AGPAT3: variants seen among roughly 807,000 people sequenced by gnomAD.
AGPAT3 encodes 1-acylglycerol-3-phosphate O-acyltransferase 3.
Under a neutral mutation model 47.3 loss-of-function variants are expected in AGPAT3, and 5 were observed. That is an observed-to-expected ratio of 0.11 (90% CI 0.06 to 0.22). AGPAT3 has a LOEUF of 0.22. AGPAT3 is among the 10% of genes least tolerant of loss of function. The pLI is 1.00. For missense variants in AGPAT3, 315 were observed against 493.0 expected, an observed-to-expected ratio of 0.64 and a Z score of 3.42; for synonymous variants, 212 against 208.3, an observed-to-expected ratio of 1.02 and a Z score of -0.15.
In AGPAT3 at chr21:43,982,384, A is replaced by G; in HGVS notation, c.1123A>G (p.Lys375Glu). The change falls in exon 10 of 10, where the codon AAG (lysine) becomes GAG (glutamate). Residue 375 changes from lysine (K) to glutamate (E), a missense_variant. By Grantham distance (56) the Lys-to-Glu change is moderately conservative (BLOSUM62 1). Coordinates refer to ENST00000291572, the MANE Select transcript of AGPAT3 (RefSeq NM_020132.5). This position sits in a 1 kb window ranked among gnomAD's most constrained non-coding sequence, Gnocchi z 6.2. ...CTACGGAAACCAAGAGTTTAAGAAAAAGGAATAATTAATGGCTGTGACTGA... is the reference window on the plus strand; with the variant it reads ...CTACGGAAACCAAGAGTTTAAGAAAGAGGAATAATTAATGGCTGTGACTGA... ...SSYGNQEFKK[K>E]E 3.1e-6 allele frequency: 5 copies of G among 1,612,650 alleles called. No homozygotes were observed. Among genetic ancestry groups the G allele is most frequent in the Non-Finnish European group, 4.2e-6 (5 of 1,178,652 alleles).
At chr21:43,978,018 C>A in intron 7 of AGPAT3, 28 bp from the exon 8 acceptor site, 2 of 1,585,238 alleles carry the variant, frequency 1.3e-6, no homozygotes, top group East Asian at 2.2e-5. Flanking sequence ...GGTGATTCAC[C>A]CTACCTTGAA....
In AGPAT3 at chr21:43,869,698, A is replaced by AC. The variant is rs541177519; in HGVS notation, c.-112+4358dup. 8.5e-5 allele frequency among the ~76,000 whole-genome samples: 13 copies of AC among 152,104 alleles called. No homozygotes were observed. In the East Asian group the frequency reaches 2.3e-3, roughly 27 times the overall value. On this transcript the variant is annotated intron_variant, in intron 1 of 9. Coordinates refer to ENST00000291572, the MANE Select transcript of AGPAT3 (RefSeq NM_020132.5). ...GCACAGCCAGCCCAGTGCCAAGTGGACCCCCAGGGTGGCCCTGCGTGAGTA... is the reference window on the plus strand; with the variant it reads ...GCACAGCCAGCCCAGTGCCAAGTGGACCCCCCAGGGTGGCCCTGCGTGAGTA...
chr21:43,982,451 C>T lies in AGPAT3; in HGVS notation c.*59C>T, dbSNP rs1156365150. On this transcript the variant is annotated 3_prime_UTR_variant, in exon 10 of 10. Transcript: ENST00000291572. The surrounding 1 kb of genome is among the most constrained non-coding windows in gnomAD (Gnocchi z 6.2). ...CGGTGGTATCCAGTTAACTCAAAAC[C>T]AACACACAGAGTGCAGGAAAAGACA... The T allele has an allele frequency of 6.4e-6, 8 of 1,254,152 alleles. No individual in the cohort carries two copies. Among genetic ancestry groups the T allele is most frequent in the Non-Finnish European group, 9.3e-6 (8 of 861,220 alleles). The allele number at this position is 1,254,152 out of a possible 1,614,324, so 77.7% of individuals were successfully genotyped here. A position where few individuals can be genotyped will look rare whatever the true frequency, so the allele number is the denominator to read the frequency against.
chr21:43,909,356 C>T (rs956992259), intron 2 of AGPAT3, among the ~76,000 whole-genome samples: 2 of 145,942 alleles, frequency 1.4e-5, no homozygotes, highest in Non-Finnish European at 3.0e-5. Context: ...AGTGTGGTGG[C>T]GTGATCTCGG....
In AGPAT3 at chr21:43,878,507, C is replaced by G. The variant is rs145985641; in HGVS notation, c.-112+13162C>G. Reference sequence around the variant, plus strand: ...TGGACACTGATGCCGCTCCGTTTTCCCAGTTATAAATATGATGGGCATCCT... The same window carrying G: ...TGGACACTGATGCCGCTCCGTTTTCGCAGTTATAAATATGATGGGCATCCT... On this transcript the variant is annotated intron_variant, in intron 1 of 9. Coordinates refer to ENST00000291572, the MANE Select transcript of AGPAT3 (RefSeq NM_020132.5). 6.4e-3 allele frequency among the ~76,000 whole-genome samples: 979 copies of G among 152,298 alleles called. 8 individuals are homozygous for G. The highest frequency in any genetic ancestry group is 0.044 in the Middle Eastern group (13 of 294).
chr21:43,906,600 G>A (rs905027614), intron 2 of AGPAT3, among the ~76,000 whole-genome samples: 3 of 152,142 alleles, frequency 2.0e-5, no homozygotes, highest in African/African-American at 7.2e-5. Context: ...TCCTCATGGT[G>A]GCTGTGACCT....
At position 43,968,073 on chromosome 21, in the gene AGPAT3, C is replaced by T. The variant is rs1335045257; in HGVS notation, c.306C>T (p.Phe102=). Residue 102 remains phenylalanine, a synonymous_variant, in exon 4 of 10, where the codon TTC becomes TTT. Coordinates refer to ENST00000291572, the MANE Select transcript of AGPAT3 (RefSeq NM_020132.5). ...IILNHNFEID[F]LCGWTMCERF... The stretch of plus-strand genomic sequence containing the variant: ...TCAACCACAACTTCGAGATCGACTT[C>T]CTCTGTGGGTGGACCATGTGTGAGC... 1.2e-6 allele frequency: 2 copies of T among 1,613,906 alleles called. No individual in the cohort carries two copies. The highest frequency in any genetic ancestry group is 8.5e-7 in the Non-Finnish European group (1 of 1,180,002).
intron 2 of AGPAT3, among the ~76,000 whole-genome samples, chr21:43,949,538 C>G (rs2088080802): frequency 6.6e-6 from 1 of 152,348 alleles, no homozygotes; most frequent in Admixed American, 6.5e-5. Flanking sequence ...ACCAATCCCA[C>G]CACATTCTAT....
rs143120293 is a variant in AGPAT3 at position 43,887,855 on chromosome 21, T to C, written c.-111-16102T>C. Reference sequence around the variant, plus strand: ...TTTTAGTAGAGACTGGGTTTCGCCATGTTGGCCAGGCTGGTCTCAAACTCC... The same window carrying C: ...TTTTAGTAGAGACTGGGTTTCGCCACGTTGGCCAGGCTGGTCTCAAACTCC... On this transcript the variant is annotated intron_variant, in intron 1 of 9. Coordinates refer to ENST00000291572, the MANE Select transcript of AGPAT3 (RefSeq NM_020132.5). Among the ~76,000 whole-genome samples the C allele has an allele frequency of 5.0e-3, 756 of 152,334 alleles. 7 individuals are homozygous for C. The highest frequency in any genetic ancestry group is 0.017 in the African/African-American group (724 of 41,560).
At chr21:43,964,331 G>A (rs1321915811) in intron 3 of AGPAT3, among the ~76,000 whole-genome samples, 1 of 152,132 alleles carries the variant, frequency 6.6e-6, no homozygotes, top group African/African-American at 2.4e-5. Flanking sequence ...GTTGCAGTGA[G>A]GTGAGACTGC....
At chr21:43,895,032 T>A (rs150933925) in intron 1 of AGPAT3, among the ~76,000 whole-genome samples, 1,544 of 152,242 alleles carry the variant, frequency 0.01, 33 homozygotes, top group African/African-American at 0.035. Flanking sequence ...TTTTGTTACT[T>A]CTTCTAAATT....
chr21:43,985,045 T>G lies in AGPAT3; in HGVS notation c.*2653T>G. On this transcript the variant is annotated 3_prime_UTR_variant, in exon 10 of 10. Transcript: ENST00000291572. The stretch of plus-strand genomic sequence containing the variant: ...ACCCACCCAGAGCCAGGCGCCACAC[T>G]GGAGGCTCCCAGGCGGGAGGGCCCA... 2.2e-6 allele frequency: 1 copy of G among 451,388 alleles called. No homozygotes were observed. 28.0% of individuals were successfully genotyped at this position (451,388 alleles called of 1,614,324 possible). A position where few individuals can be genotyped will look rare whatever the true frequency, so the allele number is the denominator to read the frequency against.
intron 1 of AGPAT3, among the ~76,000 whole-genome samples, chr21:43,889,593 A>C (rs1355998117): frequency 6.6e-6 from 1 of 152,236 alleles, no homozygotes; most frequent in African/African-American, 2.4e-5. Context: ...TATCACGATA[A>C]AGTGAGGCAC....
chr21:43,871,464 A>G lies in AGPAT3; in HGVS notation c.-112+6119A>G, dbSNP rs574063296. 1.2e-4 allele frequency among the ~76,000 whole-genome samples: 19 copies of G among 152,380 alleles called. 1 individual carries two copies. In the South Asian group the frequency reaches 3.5e-3, roughly 28 times the overall value. ...AAAATAATGTTTTCAGAATGCATCCATACATTTACCAGAAGCACTTCTAAT... is the reference window on the plus strand; with the variant it reads ...AAAATAATGTTTTCAGAATGCATCCGTACATTTACCAGAAGCACTTCTAAT... On this transcript the variant is annotated intron_variant, in intron 1 of 9. Transcript: ENST00000291572.
At chr21:43,942,555 G>T (rs1203325765) in intron 2 of AGPAT3, among the ~76,000 whole-genome samples, 1 of 152,238 alleles carries the variant, frequency 6.6e-6, no homozygotes, top group Non-Finnish European at 1.5e-5. Context: ...GACTCTCTGA[G>T]CGTGGGGTTC....
At chr21:43,953,811 C>G (rs1193123387) in intron 2 of AGPAT3, among the ~76,000 whole-genome samples, 3 of 152,204 alleles carry the variant, frequency 2.0e-5, no homozygotes, top group Non-Finnish European at 4.4e-5. Flanking sequence ...AGACTTTACA[C>G]CCCTTGCATA....
intron 1 of AGPAT3, among the ~76,000 whole-genome samples, chr21:43,892,135 C>T (rs573917304): frequency 5.9e-5 from 9 of 152,044 alleles, no homozygotes; most frequent in African/African-American, 1.9e-4. Flanking sequence ...GATGAAATCC[C>T]GTCTCTACTA....
In AGPAT3 at chr21:43,987,287, C is replaced by T. The variant is rs1449256287; in HGVS notation, c.*4895C>T. 1.3e-5 allele frequency among the ~76,000 whole-genome samples: 2 copies of T among 152,172 alleles called. No individual in the cohort carries two copies. Among genetic ancestry groups the T allele is most frequent in the African/African-American group, 2.4e-5 (1 of 41,450 alleles). ...TCTGTTTCCTTGGAGGCCATCCTGC[C>T]GATGGCACTTTTCAAGGCCCTCCCT... On this transcript the variant is annotated 3_prime_UTR_variant, in exon 10 of 10. Coordinates refer to ENST00000291572, the MANE Select transcript of AGPAT3 (RefSeq NM_020132.5).
At chr21:43,868,837 C>T (rs969007500) in intron 1 of AGPAT3, among the ~76,000 whole-genome samples, 1 of 152,178 alleles carries the variant, frequency 6.6e-6, no homozygotes, top group African/African-American at 2.4e-5. Context: ...TGCCCCATCA[C>T]ACAGAAACTG....
Sources: allele counts gnomAD v4.1 joint callset (sites outside exome capture counted in the v4.1 genomes callset), GRCh38; gene constraint gnomAD v4.1.1; non-coding constraint Gnocchi (gnomAD v3.1); transcripts MANE v1.5; gene names NCBI Gene and HGNC (gene_info 2026-07-23, HGNC 2026-07-21).